Variants in FRMD4A observed in about 807,000 individuals in gnomAD.
FRMD4A encodes FERM domain-containing protein 4A.
A neutral mutation model predicts 129.1 loss-of-function variants in FRMD4A; 29 were observed. The observed-to-expected ratio is 0.22, with a 90% CI of 0.17 to 0.31. FRMD4A has a LOEUF of 0.31. Among genes scored for constraint, FRMD4A ranks in the 10% least tolerant of loss-of-function variants. FRMD4A has a pLI of 1.00. For synonymous variants in FRMD4A, 634 were observed against 571.6 expected, an observed-to-expected ratio of 1.11 and a Z score of -1.56; for missense variants, 1,272 against 1,375.8, an observed-to-expected ratio of 0.92 and a Z score of 1.19.
chr10:13,947,745 C>A (rs183137391), intron 2 of FRMD4A, among the ~76,000 whole-genome samples: 1 of 152,254 alleles, frequency 6.6e-6, no homozygotes, highest in Non-Finnish European at 1.5e-5. Context: ...AACATAGATC[C>A]TTCTGCCATC....
At chr10:13,831,195 T>G (rs1456490408) in intron 3 of FRMD4A, among the ~76,000 whole-genome samples, 1 of 151,532 alleles carries the variant, frequency 6.6e-6, no homozygotes. Flanking sequence ...CCCTGTGGAG[T>G]TTTAGACCAA....
chr10:13,848,205 A>G (rs11258670), intron 3 of FRMD4A, among the ~76,000 whole-genome samples: 53,493 of 152,038 alleles, frequency 0.35, 9,615 homozygotes, highest in Non-Finnish European at 0.39. Flanking sequence ...CACCATAGAG[A>G]GGACATGGAA....
At chr10:13,750,522 A>C (rs12257410) in intron 8 of FRMD4A, among the ~76,000 whole-genome samples, 51,343 of 152,048 alleles carry the variant, frequency 0.34, 9,660 homozygotes, top group African/African-American at 0.51. Context: ...GAGGAAATAA[A>C]GGCACCCTTG....
intron 2 of FRMD4A, among the ~76,000 whole-genome samples, chr10:14,316,272 G>A (rs1269962843): frequency 6.6e-6 from 1 of 152,096 alleles, no homozygotes; most frequent in East Asian, 1.9e-4. Context: ...TTTCAAGAGA[G>A]GATTAGGTCA....
At chr10:13,803,364 TTC>T (rs918940119) in intron 4 of FRMD4A, among the ~76,000 whole-genome samples, 27 of 152,052 alleles carry the variant, frequency 1.8e-4, no homozygotes, top group African/African-American at 6.0e-4. Flanking sequence ...CAGAGTCTCT[TTC>T]TGTTGCCCAG....
intron 8 of FRMD4A, among the ~76,000 whole-genome samples, chr10:13,750,005 AAGAG>A (rs1462374190): frequency 6.7e-6 from 1 of 149,358 alleles, no homozygotes; most frequent in Admixed American, 6.8e-5. Context: ...GAGAAAAAGA[AAGAG>A]AGAGAGAGAA....
At chr10:13,745,294 T>C (rs144343668) in intron 9 of FRMD4A, among the ~76,000 whole-genome samples, 26 of 152,250 alleles carry the variant, frequency 1.7e-4, no homozygotes, top group African/African-American at 2.6e-4. Context: ...GGGCCTGTTG[T>C]GGTTGTGGTT....
chr10:13,808,123 G>A (rs1177576731), intron 4 of FRMD4A, among the ~76,000 whole-genome samples: 1 of 152,162 alleles, frequency 6.6e-6, no homozygotes, highest in Admixed American at 6.5e-5. Flanking sequence ...CTACTCTCAG[G>A]AACAATCATG....
intron 2 of FRMD4A, among the ~76,000 whole-genome samples, chr10:14,329,141 T>G (rs1386690708): frequency 6.6e-6 from 1 of 152,206 alleles, no homozygotes; most frequent in Non-Finnish European, 1.5e-5. Context: ...GCATTTCCCC[T>G]CCTCATTCCG....
intron 2 of FRMD4A, among the ~76,000 whole-genome samples, chr10:14,193,564 T>C (rs1179826468): frequency 6.7e-6 from 1 of 149,390 alleles, no homozygotes; most frequent in African/African-American, 2.4e-5. Flanking sequence ...CCCCATATGG[T>C]TTTTGAAGAA....
At chr10:14,224,207 G>A (rs953926171) in intron 2 of FRMD4A, among the ~76,000 whole-genome samples, 8 of 152,290 alleles carry the variant, frequency 5.3e-5, no homozygotes, top group Middle Eastern at 3.4e-3. Context: ...AAAATAGCCC[G>A]GTTTCTGAGG....
chr10:14,288,861 T>C (rs564320855), intron 2 of FRMD4A, among the ~76,000 whole-genome samples: 13 of 152,312 alleles, frequency 8.5e-5, no homozygotes, highest in Admixed American at 3.3e-4. Context: ...CTCATGTAAA[T>C]GTAATCATGC....
intron 2 of FRMD4A, among the ~76,000 whole-genome samples, chr10:14,021,900 A>G (rs569507485): frequency 6.6e-5 from 10 of 152,348 alleles, no homozygotes; most frequent in African/African-American, 2.4e-4. Flanking sequence ...ACTGTGTCAG[A>G]CACCAGAGTA....
chr10:14,319,367 T>TCTCTCTCTCTCTCTCTCACACA (rs112041665), intron 2 of FRMD4A, among the ~76,000 whole-genome samples: 22 of 145,050 alleles, frequency 1.5e-4, no homozygotes, highest in African/African-American at 5.9e-4. Flanking sequence ...TCTCTCTCTC[T>TCTCTCTCTCTCTCTCTCACACA]CACACACACA....
intron 17 of FRMD4A, chr10:13,667,656 T>TCCC (rs2083170194): frequency 6.6e-6 from 1 of 152,186 alleles, no homozygotes; most frequent in Non-Finnish European, 1.5e-5. Context: ...GAATGCGGAA[T>TCCC]CCCCCGCAAA....
intron 2 of FRMD4A, among the ~76,000 whole-genome samples, chr10:14,142,781 G>C (rs1157214246): frequency 2.6e-5 from 4 of 152,140 alleles, no homozygotes; most frequent in Non-Finnish European, 1.5e-5. Context: ...ACTACATTTG[G>C]CTGCCTACAT....
At chr10:14,325,818 AG>A (rs1036590766) in intron 2 of FRMD4A, among the ~76,000 whole-genome samples, 2 of 152,232 alleles carry the variant, frequency 1.3e-5, no homozygotes, top group Admixed American at 1.3e-4. Context: ...AAATGAAATG[AG>A]GGAGATAAAC....
chr10:14,249,247 G>C (rs542828346), intron 2 of FRMD4A, among the ~76,000 whole-genome samples: 4 of 151,976 alleles, frequency 2.6e-5, no homozygotes, highest in African/African-American at 9.7e-5. Flanking sequence ...AGCTACTCAG[G>C]AGGCTGAGGC....
At chr10:14,076,563 C>A (rs567625011) in intron 2 of FRMD4A, among the ~76,000 whole-genome samples, 2 of 152,102 alleles carry the variant, frequency 1.3e-5, no homozygotes, top group East Asian at 3.9e-4. Flanking sequence ...CCGCGTGAAC[C>A]CGGGAGGCAG....
Sources: allele counts gnomAD v4.1 joint callset (sites outside exome capture counted in the v4.1 genomes callset), GRCh38; gene constraint gnomAD v4.1.1; transcripts MANE v1.5; gene names NCBI Gene and HGNC (gene_info 2026-07-23, HGNC 2026-07-21).